Variants in UBR1 observed in about 807,000 individuals in gnomAD.
UBR1 encodes the protein E3 ubiquitin-protein ligase UBR1.
Under a neutral mutation model 242.1 loss-of-function variants are expected in UBR1, and 102 were observed. That is an observed-to-expected ratio of 0.42 (90% CI 0.36 to 0.50). The LOEUF is 0.50. Ranked by LOEUF, UBR1 falls within the 20% of genes least tolerant of loss-of-function variation. The probability of loss-of-function intolerance (pLI) is 0.01; values close to 1 mark genes in which losing one functional copy is unlikely to be tolerated. For synonymous variants in UBR1, 675 were observed against 684.8 expected (o/e 0.99, Z 0.22); for missense variants, 1,772 against 2,101.8 (o/e 0.84, Z 3.07).
At chr15:43,101,968 C>CAAAAAAA (rs55875692) in intron 1 of UBR1, among the ~76,000 whole-genome samples, 1 of 59,652 alleles carries the variant, frequency 1.7e-5, no homozygotes, top group Non-Finnish European at 2.7e-5. Context: ...CCTTGGCTCA[C>CAAAAAAA]AAAAAAAAAA....
At chr15:42,973,456 G>C (rs574694317) in intron 39 of UBR1, among the ~76,000 whole-genome samples, 2 of 152,090 alleles carry the variant, frequency 1.3e-5, no homozygotes, top group East Asian at 1.9e-4. Flanking sequence ...CACCATGCCA[G>C]GCTAATTTTT....
intron 19 of UBR1, among the ~76,000 whole-genome samples, chr15:43,034,476 T>C (rs2033303881): frequency 6.6e-6 from 1 of 151,922 alleles, no homozygotes; most frequent in South Asian, 2.1e-4. Context: ...AAAATTTGTA[T>C]ATTACCTCTG....
chr15:43,031,744 C>T (rs1439108060), intron 20 of UBR1, among the ~76,000 whole-genome samples: 7 of 152,142 alleles, frequency 4.6e-5, no homozygotes, highest in East Asian at 3.8e-4. Context: ...AGATGACAGC[C>T]GGGCGCGGTG....
At chr15:43,045,846 T>C (rs958353728) in intron 14 of UBR1, among the ~76,000 whole-genome samples, 9 of 152,184 alleles carry the variant, frequency 5.9e-5, no homozygotes, top group Non-Finnish European at 1.3e-4. Context: ...CTGAAATAGG[T>C]AATCGATAAT....
At chr15:42,998,766 A>T (rs928616008) in intron 32 of UBR1, among the ~76,000 whole-genome samples, 9 of 152,190 alleles carry the variant, frequency 5.9e-5, no homozygotes, top group Non-Finnish European at 1.3e-4. Flanking sequence ...TTTAAGTATG[A>T]ATTCATCATA....
chr15:43,063,346 T>G (rs757424068), intron 6 of UBR1, among the ~76,000 whole-genome samples: 2 of 152,258 alleles, frequency 1.3e-5, no homozygotes, highest in Non-Finnish European at 2.9e-5. Flanking sequence ...TTTCCCAAGC[T>G]AATTCTTCTC....
intron 7 of UBR1, 80 bp downstream of exon 7, chr15:43,059,972 C>G (rs2033663100): frequency 1.3e-6 from 2 of 1,565,882 alleles, no homozygotes; most frequent in Non-Finnish European, 1.8e-6. Context: ...ACGACATCAT[C>G]ACTCAAATTA....
intron 30 of UBR1, 56 bp downstream of exon 30, chr15:43,007,023 A>T: frequency 6.5e-7 from 1 of 1,546,956 alleles, no homozygotes. Flanking sequence ...TATTTTCTTT[A>T]ATTACACAGG....
chr15:43,020,618 T>C (rs1294329066), intron 27 of UBR1, among the ~76,000 whole-genome samples: 1 of 152,190 alleles, frequency 6.6e-6, no homozygotes, highest in Non-Finnish European at 1.5e-5. Context: ...TCCAATATTT[T>C]CCCATTGTCC....
chr15:43,010,818 C>CAAAAAAAAAAA (rs768275252), intron 29 of UBR1, among the ~76,000 whole-genome samples: 19 of 56,906 alleles, frequency 3.3e-4, no homozygotes, highest in East Asian at 1.1e-3. Flanking sequence ...ACTAAAAATA[C>CAAAAAAAAAAA]AAAAAAAAAA....
chr15:43,077,985 C>T (rs542616902), intron 3 of UBR1, among the ~76,000 whole-genome samples: 3 of 152,272 alleles, frequency 2.0e-5, no homozygotes, highest in South Asian at 2.1e-4. Context: ...ATTACCACAA[C>T]GTTCATATGA....
intron 29 of UBR1, 106 bp downstream of exon 29, chr15:43,015,582 T>G (rs2033009552): frequency 8.0e-7 from 1 of 1,255,312 alleles, no homozygotes; most frequent in Non-Finnish European, 1.1e-6. Flanking sequence ...TTCCCTCCAC[T>G]ATTGTCCTAT....
intron 36 of UBR1, 41 bp from the exon 37 acceptor site, chr15:42,984,034 G>T (rs373289174): frequency 6.1e-5 from 91 of 1,490,810 alleles, no homozygotes; most frequent in Non-Finnish European, 1.9e-5. Flanking sequence ...GATGAGGGAA[G>T]ATGAGAGACC....
At chr15:43,098,305 TA>T (rs2141370971) in intron 1 of UBR1, among the ~76,000 whole-genome samples, 1 of 152,286 alleles carries the variant, frequency 6.6e-6, no homozygotes, top group Admixed American at 6.5e-5. Flanking sequence ...CAGATCATCA[TA>T]ACAGATATAA....
Position 43,056,481 on chromosome 15 carries a change from C to T in UBR1, c.1183-39G>A, listed in dbSNP as rs78940367. The T allele has an allele frequency of 0.084, 118,361 of 1,414,184 alleles. 5,924 individuals carry two copies. Among genetic ancestry groups the T allele is most frequent in the Non-Finnish European group, 0.094 (94,724 of 1,005,268 alleles). 87.6% of individuals were successfully genotyped at this position (1,414,184 alleles called of 1,614,324 possible). On this transcript the variant is annotated intron_variant, in intron 10 of 46. Transcript: ENST00000290650. ...GTAGAGAATCAATTATAAATCACTA[C>T]TAAAGACCTTTAAAAAATCCCAATT...
chr15:43,006,091 TAAAAAAAAAAAAAAGAAA>T (rs960623833), intron 30 of UBR1, among the ~76,000 whole-genome samples: 1 of 71,642 alleles, frequency 1.4e-5, no homozygotes, highest in Non-Finnish European at 3.0e-5. Flanking sequence ...CAATAAATAC[TAAAAAAAAAAAAAAGAAA>T]AAAAAAAAAA....
At chr15:42,978,306 C>T (rs1596083030) in intron 37 of UBR1, among the ~76,000 whole-genome samples, 1 of 152,166 alleles carries the variant, frequency 6.6e-6, no homozygotes, top group East Asian at 1.9e-4. Context: ...CATTTCTAAA[C>T]GTTCTGTGAT....
chr15:42,996,539 G>A (rs1361310762), intron 33 of UBR1, among the ~76,000 whole-genome samples: 1 of 152,116 alleles, frequency 6.6e-6, no homozygotes, highest in African/African-American at 2.4e-5. Flanking sequence ...TGAAGCTGCA[G>A]TGAGCTGTAC....
intron 33 of UBR1, among the ~76,000 whole-genome samples, chr15:42,995,371 T>A (rs922073936): frequency 6.6e-6 from 1 of 151,674 alleles, no homozygotes; most frequent in African/African-American, 2.4e-5. Context: ...TTAAAACAAG[T>A]AGCAAAGGCT....
Sources: gnomAD v4.1 joint callset for allele counts (sites outside exome capture counted in the v4.1 genomes callset) on GRCh38, gnomAD v4.1.1 for gene constraint, MANE v1.5 for transcripts, NCBI Gene and HGNC (gene_info 2026-07-23, HGNC 2026-07-21) for gene names.